Variants in PAQR5 observed in about 807,000 individuals in gnomAD.
PAQR5 encodes membrane progestin receptor gamma.
PAQR5 carries 20 observed loss-of-function variants against 34.5 expected under a neutral mutation model. The observed-to-expected ratio is 0.58, with a 90% CI of 0.41 to 0.84. The LOEUF (loss-of-function observed/expected upper bound fraction) is 0.84. PAQR5 is among the 40% of genes least tolerant of loss of function. The pLI, the probability that PAQR5 is intolerant of heterozygous loss-of-function variation, is 0.00. For synonymous variants in PAQR5, 131 were observed against 155.6 expected (o/e 0.84, Z 1.18); for missense variants, 378 against 412.7 (o/e 0.92, Z 0.73).
intron 2 of PAQR5, among the ~76,000 whole-genome samples, chr15:69,346,404 C>T (rs187126310): frequency 3.4e-5 from 5 of 148,276 alleles, no homozygotes; most frequent in South Asian, 4.3e-4. Context: ...CTCCTGGGCC[C>T]GAGCCATTCT....
intron 2 of PAQR5, among the ~76,000 whole-genome samples, chr15:69,344,988 G>C (rs181038799): frequency 3.7e-4 from 56 of 152,246 alleles, no homozygotes; most frequent in Admixed American, 3.3e-3. Context: ...TAGCTACTTG[G>C]GAGGCTGAGG....
At chr15:69,392,331 T>C (rs182339774) in intron 6 of PAQR5, among the ~76,000 whole-genome samples, 40 of 152,218 alleles carry the variant, frequency 2.6e-4, no homozygotes, top group African/African-American at 9.4e-4. Flanking sequence ...ATATAACGGA[T>C]GGGGTCTTTT....
At chr15:69,353,684 G>A (rs948308646) in intron 2 of PAQR5, among the ~76,000 whole-genome samples, 6 of 152,166 alleles carry the variant, frequency 3.9e-5, no homozygotes, top group African/African-American at 1.4e-4. Context: ...ACAGGTGCAG[G>A]AATCAAAGGG....
intron 2 of PAQR5, among the ~76,000 whole-genome samples, chr15:69,354,618 A>G (rs2055007132): frequency 6.6e-6 from 1 of 152,144 alleles, no homozygotes; most frequent in Non-Finnish European, 1.5e-5. Context: ...ATGATTTAGG[A>G]GATGCAGATG....
At chr15:69,335,542 G>GTTTTTTTTT (rs56712868) in intron 1 of PAQR5, among the ~76,000 whole-genome samples, 4 of 61,104 alleles carry the variant, frequency 6.5e-5, no homozygotes, top group African/African-American at 1.3e-4. Flanking sequence ...ACCGCATCCA[G>GTTTTTTTTT]TTTTTTTTTT....
chr15:69,327,775 GACAA>G (rs2054287838), intron 1 of PAQR5, among the ~76,000 whole-genome samples: 1 of 152,084 alleles, frequency 6.6e-6, no homozygotes, highest in African/African-American at 2.4e-5. Flanking sequence ...GAGGTGAGGG[GACAA>G]ACAGCTTTGA....
chr15:69,335,631 C>A (rs1378544837), intron 1 of PAQR5, among the ~76,000 whole-genome samples: 3 of 142,042 alleles, frequency 2.1e-5, no homozygotes, highest in Admixed American at 1.5e-4. Context: ...CTCACTGCAA[C>A]CTCTGCCTCC....
At chr15:69,399,322 C>G (rs1168310960) in intron 7 of PAQR5, among the ~76,000 whole-genome samples, 2 of 152,222 alleles carry the variant, frequency 1.3e-5, no homozygotes, top group Non-Finnish European at 2.9e-5. Context: ...CATGAGACAG[C>G]AAGACCGACC....
chr15:69,380,084 A>G, intron 4 of PAQR5, 74 bp downstream of exon 4: 1 of 1,509,858 alleles, frequency 6.6e-7, no homozygotes. Flanking sequence ...AAACATGGCT[A>G]GTGTTGAGAG....
chr15:69,383,339 G>A (rs1219905735), intron 4 of PAQR5, among the ~76,000 whole-genome samples: 2 of 140,890 alleles, frequency 1.4e-5, no homozygotes, highest in Non-Finnish European at 3.1e-5. Context: ...GGCCCTCCGT[G>A]CTCATGGTGG....
intron 2 of PAQR5, among the ~76,000 whole-genome samples, chr15:69,344,341 CCTT>C (rs2054714552): frequency 2.0e-5 from 3 of 152,160 alleles, no homozygotes; most frequent in South Asian, 2.1e-4. Flanking sequence ...AGAGAGGAAA[CCTT>C]CTCACTAATT....
At chr15:69,327,886 C>A (rs193262725) in intron 1 of PAQR5, among the ~76,000 whole-genome samples, 1 of 152,268 alleles carries the variant, frequency 6.6e-6, no homozygotes, top group East Asian at 1.9e-4. Context: ...TCAAGCGATT[C>A]TCCTGCCTCA....
intron 1 of PAQR5, among the ~76,000 whole-genome samples, chr15:69,325,178 C>T (rs1386717191): frequency 6.6e-6 from 1 of 152,196 alleles, no homozygotes; most frequent in Non-Finnish European, 1.5e-5. Flanking sequence ...GGCTTACAGG[C>T]GTGAGCCACC....
chr15:69,329,508 G>C (rs2054332776), intron 1 of PAQR5, among the ~76,000 whole-genome samples: 1 of 103,836 alleles, frequency 9.6e-6, no homozygotes, highest in Non-Finnish European at 1.7e-5. Context: ...GCCTTGCTCT[G>C]TCACCTCGCT....
At chr15:69,318,230 G>A (rs554476224) in intron 1 of PAQR5, among the ~76,000 whole-genome samples, 72 of 152,328 alleles carry the variant, frequency 4.7e-4, no homozygotes, top group African/African-American at 1.6e-3. Context: ...AGTGGGGCTC[G>A]GGCTGGGACA....
At chr15:69,384,945 T>G in intron 5 of PAQR5, 63 bp downstream of exon 5, 1 of 1,231,130 alleles carries the variant, frequency 8.1e-7, no homozygotes, top group Non-Finnish European at 1.2e-6. Flanking sequence ...CCTTCTCCTG[T>G]GAGCTAGGGT....
At chr15:69,356,184 C>A (rs931136099) in intron 2 of PAQR5, among the ~76,000 whole-genome samples, 3 of 152,164 alleles carry the variant, frequency 2.0e-5, no homozygotes, top group Non-Finnish European at 4.4e-5. Context: ...TGTGGAGACC[C>A]AACCTTGATT....
rs371658040 is a variant in PAQR5 at position 69,301,338 on chromosome 15, A to G, written c.-277+2282A>G. ...TTTTCCAGAGAGACAGAGGACTTTC[A>G]CTTTACCCTTGTCCCGCCAAGGAGA... On this transcript the variant is annotated intron_variant, in intron 1 of 8. Transcript: ENST00000395407. Among the ~76,000 whole-genome samples, 5 of 152,130 alleles carry G rather than the reference A, an allele frequency of 3.3e-5. No homozygotes were observed. In the East Asian group the frequency reaches 9.7e-4, roughly 30 times the overall value.
intron 1 of PAQR5, among the ~76,000 whole-genome samples, chr15:69,328,250 G>A (rs1341293316): frequency 6.6e-6 from 1 of 152,238 alleles, no homozygotes; most frequent in Non-Finnish European, 1.5e-5. Flanking sequence ...TCTATGCAAA[G>A]AAGCTTATGT....
Sources: allele counts gnomAD v4.1 joint callset (sites outside exome capture counted in the v4.1 genomes callset), GRCh38; gene constraint gnomAD v4.1.1; transcripts MANE v1.5; gene names NCBI Gene and HGNC (gene_info 2026-07-23, HGNC 2026-07-21).